SLC16A10: variants seen among roughly 807,000 people sequenced by gnomAD.
SLC16A10 encodes the protein monocarboxylate transporter 10.
SLC16A10 carries 27 observed loss-of-function variants against 40.0 expected under a neutral mutation model. The ratio of observed to expected loss-of-function variants is 0.67; its 90% CI spans 0.50 to 0.93. The LOEUF is 0.93. SLC16A10 is among the 40% of genes least tolerant of loss of function. The pLI, the probability that SLC16A10 is intolerant of heterozygous loss-of-function variation, is 0.00. For missense variants in SLC16A10, 529 were observed against 658.2 expected (o/e 0.80, Z 2.15); for synonymous variants, 213 against 249.8 (o/e 0.85, Z 1.39).
chr6:111,178,567 AAAG>A (rs199512643), intron 3 of SLC16A10: 5 of 352,974 alleles, frequency 1.4e-5, no homozygotes, highest in African/African-American at 2.3e-5. Flanking sequence ...GAAAAAAAAA[AAAG>A]AAGGAAGAAG....
chr6:111,221,865 G>A (rs1388892587), intron 5 of SLC16A10, 138 bp from the exon 6 acceptor site: 2 of 668,990 alleles, frequency 3.0e-6, no homozygotes, highest in African/African-American at 1.9e-5. Flanking sequence ...TATCAAAAAG[G>A]GTTTATATTT....
rs962671826 is a variant in SLC16A10, at chr6:111,223,509, T to C, written c.*1274T>C. On this transcript the variant is annotated 3_prime_UTR_variant, in exon 6 of 6. Transcript: ENST00000368851. ...AGTACTTGAGGCCTTTAAAAGTTAGTGCTTTTGATTGTGAAGACATTCAGC... is the reference window on the plus strand; with the variant it reads ...AGTACTTGAGGCCTTTAAAAGTTAGCGCTTTTGATTGTGAAGACATTCAGC... 6.6e-6 allele frequency: 1 copy of C among 152,212 alleles called. No individual in the cohort carries two copies. Among genetic ancestry groups the C allele is most frequent in the African/African-American group, 2.4e-5 (1 of 41,454 alleles). The allele number at this position is 152,212 out of a possible 1,614,324, so 9.4% of individuals were successfully genotyped here. A position where few individuals can be genotyped will look rare whatever the true frequency, so the allele number is the denominator to read the frequency against.
At chr6:111,112,281 T>C (rs1771403134) in intron 1 of SLC16A10, among the ~76,000 whole-genome samples, 1 of 152,140 alleles carries the variant, frequency 6.6e-6, no homozygotes, top group Non-Finnish European at 1.5e-5. Context: ...GCAGTCCTCC[T>C]GCCTTGGCCT....
rs145658229 is a variant in SLC16A10, at chr6:111,098,082, G to A, written c.343+9987G>A. Reference sequence around the variant, plus strand: ...AGCACTTTGGGAGGCCGAGGTGGGCGGATCACTTGAGGTCCGGAGTTAGAG... The same window carrying A: ...AGCACTTTGGGAGGCCGAGGTGGGCAGATCACTTGAGGTCCGGAGTTAGAG... On this transcript the variant is annotated intron_variant, in intron 1 of 5. Transcript: ENST00000368851. Among the ~76,000 whole-genome samples the A allele has an allele frequency of 3.0e-4, 46 of 152,218 alleles. 1 individual carries two copies. Among genetic ancestry groups the A allele is most frequent in the East Asian group, 1.2e-3 (6 of 5,182 alleles).
In SLC16A10 at chr6:111,088,052, A is replaced by C. The variant is rs558667497; in HGVS notation, c.300A>C (p.Glu100Asp). The change falls in exon 1 of 6, where the codon GAA becomes GAC. Residue 100 changes from glutamate (E) to aspartate (D), a missense_variant. By Grantham distance (45) the Glu-to-Asp change is conservative. Transcript: ENST00000368851. The stretch of plus-strand genomic sequence containing the variant: ...GGGTGCTCTTCGTGTCCATGCTGGA[A>C]ACCTTCGGCTCCAAAGACGATGACA... Reference protein sequence around the residue: ...ACGVLFVSMLETFGSKDDDKM... With the variant: ...ACGVLFVSMLDTFGSKDDDKM... 1.7e-4 allele frequency: 270 copies of C among 1,608,500 alleles called. 3 individuals are homozygous for C. The Admixed American group carries it at 4.5e-3, about 27-fold the overall frequency.
intron 1 of SLC16A10, among the ~76,000 whole-genome samples, chr6:111,128,277 T>C (rs954408239): frequency 6.6e-6 from 1 of 152,204 alleles, no homozygotes; most frequent in African/African-American, 2.4e-5. Flanking sequence ...ATTCTGCTAC[T>C]TTCCTTCTCA....
intron 3 of SLC16A10, among the ~76,000 whole-genome samples, chr6:111,189,321 T>A (rs1772951753): frequency 6.6e-6 from 1 of 152,126 alleles, no homozygotes; most frequent in South Asian, 2.1e-4. Context: ...ATAAGGTACT[T>A]TGAAGGTACA....
intron 1 of SLC16A10, among the ~76,000 whole-genome samples, chr6:111,088,820 G>GT (rs1400584868): frequency 6.6e-6 from 1 of 152,018 alleles, no homozygotes; most frequent in South Asian, 2.1e-4. Flanking sequence ...CAGATTCAGC[G>GT]TTTTCTCCCT....
At chr6:111,147,741 ATAACT>A (rs1407633768) in intron 1 of SLC16A10, among the ~76,000 whole-genome samples, 3 of 152,250 alleles carry the variant, frequency 2.0e-5, no homozygotes, top group Non-Finnish European at 4.4e-5. Flanking sequence ...TGGCACAGCC[ATAACT>A]TTATGGCAGT....
chr6:111,118,601 A>G (rs979887332), intron 1 of SLC16A10, among the ~76,000 whole-genome samples: 5 of 151,668 alleles, frequency 3.3e-5, no homozygotes, highest in African/African-American at 9.7e-5. Flanking sequence ...GAATTCCTTG[A>G]AACTGGGAGG....
intron 1 of SLC16A10, among the ~76,000 whole-genome samples, chr6:111,160,082 T>G (rs1188658799): frequency 6.6e-6 from 1 of 152,226 alleles, no homozygotes; most frequent in South Asian, 2.1e-4. Context: ...TGTCTTTTTA[T>G]TCTCTTAGCA....
At chr6:111,107,280 A>T (rs192308813) in intron 1 of SLC16A10, among the ~76,000 whole-genome samples, 5 of 152,242 alleles carry the variant, frequency 3.3e-5, no homozygotes, top group African/African-American at 1.2e-4. Flanking sequence ...AGTTCGAGAC[A>T]TTAAGAAATG....
chr6:111,142,756 C>G (rs1295279551), intron 1 of SLC16A10, among the ~76,000 whole-genome samples: 1 of 152,224 alleles, frequency 6.6e-6, no homozygotes, highest in Non-Finnish European at 1.5e-5. Context: ...CAGGAACTTT[C>G]ATTTATTGCT....
At chr6:111,113,513 A>G (rs1442419884) in intron 1 of SLC16A10, among the ~76,000 whole-genome samples, 1 of 152,176 alleles carries the variant, frequency 6.6e-6, no homozygotes, top group Non-Finnish European at 1.5e-5. Flanking sequence ...CTCTCAAGCT[A>G]AAACTGGGGT....
Position 111,177,258 on chromosome 6 carries a change from G to A in SLC16A10, c.535G>A (p.Gly179Ser), listed in dbSNP as rs757935476. The change falls in exon 3 of 6, where the codon GGC (glycine) becomes AGC (serine). Residue 179 changes from glycine (G) to serine (S), a missense_variant. Physicochemically the swap from Gly to Ser is moderately conservative, Grantham distance 56. Coordinates refer to ENST00000368851, the MANE Select transcript of SLC16A10 (RefSeq NM_018593.5). Reference protein sequence around the residue: ...YLTYGIIFACGCSFAYQPSLV... With the variant: ...YLTYGIIFACSCSFAYQPSLV... ...TACCTATGGAATCATATTTGCCTGC[G>A]GCTGCTCCTTTGCATACCAGCCTTC... The A allele has an allele frequency of 1.4e-5, 23 of 1,589,636 alleles. No individual in the cohort carries two copies. Among genetic ancestry groups the A allele is most frequent in the Admixed American group, 1.1e-4 (6 of 55,108 alleles).
chr6:111,176,674 G>C (rs1378581253), intron 2 of SLC16A10, among the ~76,000 whole-genome samples: 6 of 152,206 alleles, frequency 3.9e-5, no homozygotes, highest in African/African-American at 1.4e-4. Context: ...CTGCACCTCT[G>C]TGCAAATGTT....
In SLC16A10 at chr6:111,087,766, A is replaced by T; in HGVS notation, c.14A>T (p.Gln5Leu). 8.2e-7 allele frequency: 1 copy of T among 1,216,726 alleles called. No homozygotes were observed. Among genetic ancestry groups the T allele is most frequent in the Non-Finnish European group, 1.0e-6 (1 of 980,618 alleles). The allele number at this position is 1,216,726 out of a possible 1,614,324, so 75.4% of individuals were successfully genotyped here. ...CCGCCTCGGGCCATGGTGCTCTCCC[A>T]GGAGGAGCCGGACTCCGCGCGGGGC... MVLS[Q>L]EEPDSARGTS... The change falls in exon 1 of 6, where the codon CAG becomes CTG. Residue 5 changes from glutamine (Q) to leucine (L), a missense_variant. Transcript: ENST00000368851.
intron 3 of SLC16A10, among the ~76,000 whole-genome samples, chr6:111,185,652 T>A (rs1772881912): frequency 6.6e-6 from 1 of 152,234 alleles, no homozygotes; most frequent in Non-Finnish European, 1.5e-5. Flanking sequence ...TCAATTTTGC[T>A]TTCTACAGTA....
intron 1 of SLC16A10, among the ~76,000 whole-genome samples, chr6:111,170,111 T>C (rs1772557501): frequency 6.6e-6 from 1 of 151,848 alleles, no homozygotes; most frequent in Non-Finnish European, 1.5e-5. Context: ...AGAGACGAGG[T>C]GTCTCCATGT....
Sources: allele counts gnomAD v4.1 joint callset (sites outside exome capture counted in the v4.1 genomes callset), GRCh38; gene constraint gnomAD v4.1.1; transcripts MANE v1.5; gene names NCBI Gene and HGNC (gene_info 2026-07-23, HGNC 2026-07-21).